Variants in ATP13A5 observed in about 807,000 individuals in gnomAD.
The protein encoded by ATP13A5 is ATPase 13A5.
In ATP13A5, 149 loss-of-function variants were observed where a neutral mutation model predicts 150.2. The ratio of observed to expected loss-of-function variants is 0.99; its 90% CI spans 0.87 to 1.14. The LOEUF is 1.14. ATP13A5 is among the 50% of genes most tolerant of loss of function. The pLI is 0.00. For missense variants in ATP13A5, 1,383 were observed against 1,449.3 expected (o/e 0.95, Z 0.74); for synonymous variants, 497 against 522.2 (o/e 0.95, Z 0.66).
intron 11 of ATP13A5, 35 bp from the exon 12 acceptor site, chr3:193,331,346 C>T (rs1189758871): frequency 6.3e-7 from 1 of 1,581,724 alleles, no homozygotes; most frequent in Non-Finnish European, 8.6e-7. Context: ...ACAGGATAGC[C>T]CAGCACAGCA....
chr3:193,339,521 C>A (rs73074767), intron 9 of ATP13A5, among the ~76,000 whole-genome samples: 8,077 of 152,194 alleles, frequency 0.053, 625 homozygotes, highest in African/African-American at 0.17. Flanking sequence ...TCATTTTCTG[C>A]TGTGATGTAT....
At chr3:193,335,747 T>C (rs1030108542) in intron 9 of ATP13A5, among the ~76,000 whole-genome samples, 1 of 152,148 alleles carries the variant, frequency 6.6e-6, no homozygotes, top group African/African-American at 2.4e-5. Context: ...AAGACCAAAC[T>C]CTCCTGCTAG....
chr3:193,324,154 G>A (rs1363844387), intron 14 of ATP13A5: 1 of 152,178 alleles, frequency 6.6e-6, no homozygotes, highest in Admixed American at 6.5e-5. Context: ...GGAGAGTGGT[G>A]AAATGCAGAG....
intron 25 of ATP13A5, among the ~76,000 whole-genome samples, chr3:193,296,668 GCT>G (rs1485707322): frequency 6.6e-6 from 1 of 151,826 alleles, no homozygotes; most frequent in Admixed American, 6.6e-5. Context: ...GGCTATTCGT[GCT>G]CTTTTTTTTT....
intron 12 of ATP13A5, 143 bp downstream of exon 12, chr3:193,330,980 A>G (rs2108871948): frequency 5.3e-6 from 4 of 751,242 alleles, no homozygotes; most frequent in Non-Finnish European, 8.5e-6. Flanking sequence ...GTGATCTTGC[A>G]CTAGCTCACT....
chr3:193,319,221 T>C (rs1719169450), intron 16 of ATP13A5, 113 bp from the exon 17 acceptor site: 1 of 736,940 alleles, frequency 1.4e-6, no homozygotes, highest in Non-Finnish European at 2.3e-6. Flanking sequence ...ATAAAAGCAC[T>C]TTAATAGAAA....
rs1719292353 is a variant in ATP13A5, at chr3:193,321,834, G to C, written c.1762C>G (p.Pro588Ala). Residue 588 changes from proline (P) to alanine (A), a missense_variant, in exon 16 of 30, where the codon CCA becomes GCA. Around this residue, in one of 3 missense-constraint regions of ATP13A5, gnomAD observed 787 missense variants for 771.9 expected, o/e 1.02. Transcript: ENST00000342358. ...CACAAGGTGATGATGGCTTCCACTG[G>C]ACTCTGCAAGCCCATCAACAACAGG... ...IKPGPKASKS[P>A]VEAIITLCQF... 6.2e-7 allele frequency: 1 copy of C among 1,613,980 alleles called. No individual in the cohort carries two copies. Among genetic ancestry groups the C allele is most frequent in the Non-Finnish European group, 8.5e-7 (1 of 1,179,962 alleles).
chr3:193,347,721 C>T (rs547059141), intron 7 of ATP13A5, among the ~76,000 whole-genome samples: 2 of 152,260 alleles, frequency 1.3e-5, no homozygotes, highest in East Asian at 3.9e-4. Flanking sequence ...TTCCAGGCCT[C>T]TGCTCAAGCT....
intron 1 of ATP13A5, among the ~76,000 whole-genome samples, chr3:193,367,662 G>C (rs1231604131): frequency 6.6e-6 from 1 of 152,026 alleles, no homozygotes; most frequent in Non-Finnish European, 1.5e-5. Context: ...AGAAATGCAA[G>C]GATTTAAAAA....
chr3:193,282,523 C>T (rs1717545817), intron 27 of ATP13A5, among the ~76,000 whole-genome samples: 1 of 151,936 alleles, frequency 6.6e-6, no homozygotes. Flanking sequence ...TTACAGGTGC[C>T]CACCACCACC....
intron 5 of ATP13A5, among the ~76,000 whole-genome samples, chr3:193,362,047 C>T (rs1380611659): frequency 6.6e-6 from 1 of 152,110 alleles, no homozygotes; most frequent in Admixed American, 6.5e-5. Context: ...GTCATTCTGT[C>T]TCTCCCAGGA....
chr3:193,364,344 T>C, intron 1 of ATP13A5, 64 bp from the exon 2 acceptor site: 1 of 1,557,774 alleles, frequency 6.4e-7, no homozygotes, highest in African/African-American at 1.4e-5. Flanking sequence ...ATTATTTTCT[T>C]TCAATAAACC....
chr3:193,294,246 CT>C (rs1718077668), intron 25 of ATP13A5, among the ~76,000 whole-genome samples: 1 of 152,024 alleles, frequency 6.6e-6, no homozygotes. Flanking sequence ...CATTTTTATC[CT>C]TTAGTGTTCT....
intron 1 of ATP13A5, among the ~76,000 whole-genome samples, chr3:193,372,454 A>G (rs1713481180): frequency 1.3e-5 from 2 of 152,138 alleles, no homozygotes; most frequent in African/African-American, 2.4e-5. Flanking sequence ...TCTTTTAAAC[A>G]GTTCTTACTT....
At chr3:193,331,371 C>A in intron 11 of ATP13A5, 60 bp from the exon 12 acceptor site, 1 of 1,493,630 alleles carries the variant, frequency 6.7e-7, no homozygotes, top group East Asian at 2.3e-5. Flanking sequence ...GCCACCCTTC[C>A]TAGTGCCAAA....
intron 27 of ATP13A5, chr3:193,281,173 A>T: frequency 4.1e-6 from 4 of 985,292 alleles, no homozygotes; most frequent in Non-Finnish European, 4.8e-6. Context: ...AGCTGTGTGG[A>T]TTTTTCATTT....
chr3:193,289,861 G>T lies in ATP13A5; in HGVS notation c.3023+24C>A, dbSNP rs146806659. ...ATATTTATTAAATTACCTTTCGAAA[G>T]CAGCACTAAGAAAATGAACTTACCT... is the stretch of plus-strand genomic sequence containing the variant. On this transcript the variant is annotated intron_variant, in intron 26 of 29. Transcript: ENST00000342358. 5 of 1,544,022 alleles carry T rather than the reference G, an allele frequency of 3.2e-6. No homozygotes were observed. In the East Asian group the frequency reaches 9.4e-5, roughly 29 times the overall value.
At chr3:193,284,105 C>G (rs147988900) in intron 27 of ATP13A5, among the ~76,000 whole-genome samples, 1 of 151,434 alleles carries the variant, frequency 6.6e-6, no homozygotes, top group African/African-American at 2.4e-5. Context: ...ACTGCAGCCT[C>G]GACCTCCCAG....
intron 25 of ATP13A5, among the ~76,000 whole-genome samples, chr3:193,292,853 T>C (rs1355059937): frequency 6.6e-6 from 1 of 152,118 alleles, no homozygotes; most frequent in Non-Finnish European, 1.5e-5. Context: ...TACAGGGTTC[T>C]TATGCAGAAT....
Sources: gnomAD v4.1 joint callset for allele counts (sites outside exome capture counted in the v4.1 genomes callset) on GRCh38, gnomAD v4.1.1 for gene constraint, gnomAD v4.1.1 regional missense constraint, MANE v1.5 for transcripts, NCBI Gene and HGNC (gene_info 2026-07-23, HGNC 2026-07-21) for gene names.